Variants in IRAG2 observed in about 807,000 individuals in gnomAD.
The protein encoded by IRAG2 is inositol 1,4,5-triphosphate receptor associated 2, also known as lymphoid restricted membrane protein.
Under a neutral mutation model 69.9 loss-of-function variants are expected in IRAG2, and 45 were observed. That is an observed-to-expected ratio of 0.64 (90% CI 0.51 to 0.83). The LOEUF (loss-of-function observed/expected upper bound fraction) is 0.83. IRAG2 is among the 40% of genes least tolerant of loss of function. The pLI is 0.00. For missense variants in IRAG2, 520 were observed against 587.0 expected (o/e 0.89, Z 1.18); for synonymous variants, 193 against 202.4 (o/e 0.95, Z 0.40).
rs531607142 is a variant in IRAG2, at chr12:25,092,192, G to T, written c.606+1995G>T. Among the ~76,000 whole-genome samples, 3 of 152,008 alleles carry T rather than the reference G, an allele frequency of 2.0e-5. No homozygotes were observed. The South Asian group carries it at 6.3e-4, about 32-fold the overall frequency. On this transcript the variant is annotated intron_variant, in intron 14 of 21. Transcript: ENST00000556887. Reference sequence around the variant, plus strand: ...AGGCAGGCAGATCACCTAAAGTCAGGAGTTTGAGACCAGCCTGGCCAACAT... The same window carrying T: ...AGGCAGGCAGATCACCTAAAGTCAGTAGTTTGAGACCAGCCTGGCCAACAT...
chr12:25,065,196 G>T (rs1565550038), intron 4 of IRAG2, among the ~76,000 whole-genome samples: 1 of 152,182 alleles, frequency 6.6e-6, no homozygotes, highest in Non-Finnish European at 1.5e-5. Flanking sequence ...TCCCTGTGAG[G>T]TAGATGTTAA....
intron 9 of IRAG2, among the ~76,000 whole-genome samples, chr12:25,029,114 G>A (rs951242527): frequency 5.9e-5 from 9 of 152,006 alleles, no homozygotes; most frequent in Admixed American, 5.9e-4. Context: ...TAAATTTTTT[G>A]TATAGATGAA....
intron 8 of IRAG2, among the ~76,000 whole-genome samples, chr12:25,026,096 T>G (rs1340310426): frequency 6.6e-6 from 1 of 152,158 alleles, no homozygotes; most frequent in Non-Finnish European, 1.5e-5. Flanking sequence ...TAATAAAACC[T>G]TATTTACAAA....
At chr12:25,024,959 G>A (rs953743439) in intron 8 of IRAG2, among the ~76,000 whole-genome samples, 8 of 152,288 alleles carry the variant, frequency 5.3e-5, no homozygotes, top group African/African-American at 1.9e-4. Context: ...ATTAGAAAAC[G>A]AATATAAGTG....
chr12:25,080,161 A>G (rs113399322), intron 9 of IRAG2, among the ~76,000 whole-genome samples: 2,642 of 152,218 alleles, frequency 0.017, 85 homozygotes, highest in African/African-American at 0.061. Flanking sequence ...GCAATTAGCA[A>G]TGGTCCACCC....
intron 6 of IRAG2, among the ~76,000 whole-genome samples, 200 bp from the exon 7 acceptor site, chr12:25,079,043 AT>A (rs1947018770): frequency 6.6e-6 from 1 of 152,208 alleles, no homozygotes; most frequent in Non-Finnish European, 1.5e-5. Flanking sequence ...TATACTTAAT[AT>A]TGGATTTTTG....
Position 25,108,212 on chromosome 12 carries a change from T to G in IRAG2, c.*152T>G, listed in dbSNP as rs1399954764. 2.5e-6 allele frequency: 2 copies of G among 800,482 alleles called. No individual in the cohort carries two copies. Among genetic ancestry groups the G allele is most frequent in the Non-Finnish European group, 3.8e-6 (2 of 523,426 alleles). The allele number at this position is 800,482 out of a possible 1,614,324, so 49.6% of individuals were successfully genotyped here. On this transcript the variant is annotated 3_prime_UTR_variant, in exon 22 of 22. Coordinates refer to ENST00000556887, the MANE Select transcript of IRAG2 (RefSeq NM_001366544.2). The stretch of plus-strand genomic sequence containing the variant: ...CTTACATTTCCTCTTTTTGCCTTTA[T>G]CTCCCCAACTAAAATACAATGGGGA...
rs549434353 is a variant in IRAG2 at position 25,063,327 on chromosome 12, C to T, written c.-303-393C>T. 5.8e-4 allele frequency among the ~76,000 whole-genome samples: 89 copies of T among 152,334 alleles called. 2 individuals carry two copies. The highest frequency in any genetic ancestry group is 2.1e-3 in the African/African-American group (86 of 41,572). On this transcript the variant is annotated intron_variant, in intron 3 of 21. Coordinates refer to ENST00000556887, the MANE Select transcript of IRAG2 (RefSeq NM_001366544.2). ...TTGGCCTCCCAAAGTGCTGGGATTA[C>T]AGGCATGAACCACCGCACCCGGCCT...
At chr12:25,011,297 G>C (rs1264440778) in intron 2 of IRAG2, 2 of 1,163,318 alleles carry the variant, frequency 1.7e-6, no homozygotes, top group African/African-American at 3.2e-5. Flanking sequence ...AAACATTAAA[G>C]AGATAGGTGC....
intron 6 of IRAG2, among the ~76,000 whole-genome samples, chr12:25,071,005 C>T (rs1329173875): frequency 1.3e-5 from 2 of 152,068 alleles, no homozygotes; most frequent in Non-Finnish European, 2.9e-5. Context: ...TTGAATTGTA[C>T]AAGTTGTTGT....
intron 2 of IRAG2, among the ~76,000 whole-genome samples, chr12:25,005,559 C>T (rs1264047067): frequency 3.3e-5 from 5 of 152,160 alleles, no homozygotes; most frequent in Admixed American, 3.3e-4. Context: ...TGTTTTGCAT[C>T]AGCATATTTT....
upstream of IRAG2, among the ~76,000 whole-genome samples, chr12:25,050,045 C>G (rs1944829969): frequency 7.0e-6 from 1 of 143,470 alleles, no homozygotes; most frequent in Admixed American, 7.0e-5. Context: ...ATGGCGTTAG[C>G]TTGGGAGGTG....
At chr12:25,088,563 G>C (rs992590296) in intron 11 of IRAG2, among the ~76,000 whole-genome samples, 6 of 152,190 alleles carry the variant, frequency 3.9e-5, no homozygotes, top group African/African-American at 1.4e-4. Flanking sequence ...TGGAGTCATA[G>C]AGACTCTACA....
In IRAG2 at chr12:25,107,869, G is replaced by T. The variant is rs768086623; in HGVS notation, c.1309G>T (p.Ala437Ser). The change falls in exon 22 of 22, where the codon GCT becomes TCT. Residue 437 changes from alanine (A) to serine (S), a missense_variant. Ala to Ser is a moderately conservative substitution (Grantham distance 99, BLOSUM62 1). Transcript: ENST00000556887. ...ATNLKSSIRKANKALWLSIAF... is the reference protein window; with the variant it reads ...ATNLKSSIRKSNKALWLSIAF... ...AAATCTCAAGTCCTCCATCAGAAAGGCTAATAAGGCCCTCTGGCTCTCTAT... is the reference window on the plus strand; with the variant it reads ...AAATCTCAAGTCCTCCATCAGAAAGTCTAATAAGGCCCTCTGGCTCTCTAT... The T allele has an allele frequency of 1.2e-6, 2 of 1,614,070 alleles. No homozygotes were observed. Among genetic ancestry groups the T allele is most frequent in the Non-Finnish European group, 1.7e-6 (2 of 1,179,922 alleles).
rs552659437 is a variant in IRAG2, at chr12:25,068,899, C to T, written c.-58-451C>T. Among the ~76,000 whole-genome samples, 18 of 152,270 alleles carry T rather than the reference C, an allele frequency of 1.2e-4. No homozygotes were observed. The East Asian group carries it at 3.5e-3, about 29-fold the overall frequency. ...AAGTTAACTTAGACAGGTTTTGATC[C>T]TATTTCTGTTTCTTTCACACTCAAG... On this transcript the variant is annotated intron_variant, in intron 5 of 21. Transcript: ENST00000556887.
At chr12:25,072,022 A>C (rs1161815816) in intron 6 of IRAG2, among the ~76,000 whole-genome samples, 10 of 152,080 alleles carry the variant, frequency 6.6e-5, no homozygotes, top group African/African-American at 2.2e-4. Flanking sequence ...TGGCCAATGT[A>C]GTGAAACCCA....
chr12:25,037,510 G>A (rs1037897556), intron 15 of IRAG2, among the ~76,000 whole-genome samples: 3 of 152,080 alleles, frequency 2.0e-5, no homozygotes, highest in African/African-American at 7.2e-5. Context: ...TTTTGGCCAG[G>A]CTGATCTCAA....
rs187322061 is a variant in IRAG2, at chr12:25,088,504, C to T, written c.373+347C>T. On this transcript the variant is annotated intron_variant, in intron 11 of 21. Transcript: ENST00000556887. ...CAGAATAAGTGCTAATATGCTTTTC[C>T]CCTTAGCCTACCTCCATTGGGATGG... Among the ~76,000 whole-genome samples the T allele has an allele frequency of 1.3e-3, 199 of 152,246 alleles. 1 individual carries two copies. The highest frequency in any genetic ancestry group is 4.6e-3 in the African/African-American group (189 of 41,536).
intron 6 of IRAG2, among the ~76,000 whole-genome samples, chr12:25,070,046 G>A (rs965054958): frequency 5.3e-5 from 8 of 152,134 alleles, no homozygotes; most frequent in African/African-American, 1.9e-4. Context: ...CAATCAAACA[G>A]AGCAGGCAGT....
Sources: gnomAD v4.1 joint callset for allele counts (sites outside exome capture counted in the v4.1 genomes callset) on GRCh38, gnomAD v4.1.1 for gene constraint, MANE v1.5 for transcripts, NCBI Gene and HGNC (gene_info 2026-07-23, HGNC 2026-07-21) for gene names.